The following SEMA3E variants were observed in gnomAD, a reference collection of about 807,000 sequenced individuals.
SEMA3E encodes semaphorin-3E.
In SEMA3E, 49 loss-of-function variants were observed where a neutral mutation model predicts 93.6. The observed-to-expected ratio is 0.52, with a 90% CI of 0.42 to 0.66. The LOEUF is 0.66. Ranked by LOEUF, SEMA3E falls within the 30% of genes least tolerant of loss-of-function variation. SEMA3E has a pLI of 0.00. For synonymous variants in SEMA3E, 363 were observed against 330.7 expected, an observed-to-expected ratio of 1.10 and a Z score of -1.06; for missense variants, 906 against 964.8, an observed-to-expected ratio of 0.94 and a Z score of 0.81.
intron 1 of SEMA3E, among the ~76,000 whole-genome samples, chr7:83,590,267 A>G (rs903342372): frequency 3.9e-5 from 6 of 152,146 alleles, no homozygotes; most frequent in Admixed American, 3.3e-4. Context: ...GCAACTTTCT[A>G]TATCAGAGAT....
intron 1 of SEMA3E, among the ~76,000 whole-genome samples, chr7:83,556,470 A>C (rs1007926198): frequency 2.6e-5 from 4 of 152,134 alleles, no homozygotes; most frequent in Non-Finnish European, 4.4e-5. Context: ...GCTATCATGT[A>C]TGTTACATTT....
At chr7:83,564,436 A>G (rs1211102434) in intron 1 of SEMA3E, among the ~76,000 whole-genome samples, 1 of 151,590 alleles carries the variant, frequency 6.6e-6, no homozygotes, top group African/African-American at 2.4e-5. Flanking sequence ...GAAAAAAAAA[A>G]TCTTGAAAAC....
chr7:83,393,716 A>C (rs1212435596), intron 13 of SEMA3E, among the ~76,000 whole-genome samples: 5 of 152,176 alleles, frequency 3.3e-5, no homozygotes, highest in African/African-American at 1.2e-4. Context: ...ATTTATAAAT[A>C]AATTTGGGGC....
chr7:83,378,713 CCCT>C (rs1232051829), intron 16 of SEMA3E, among the ~76,000 whole-genome samples: 1 of 151,854 alleles, frequency 6.6e-6, no homozygotes, highest in African/African-American at 2.4e-5. Context: ...TTACACCACA[CCCT>C]CCTAATTTCA....
At chr7:83,595,189 T>C (rs775134029) in intron 1 of SEMA3E, among the ~76,000 whole-genome samples, 21 of 152,058 alleles carry the variant, frequency 1.4e-4, no homozygotes, top group Non-Finnish European at 7.4e-5. Context: ...TTTAAATAAG[T>C]CATTAAGACA....
rs868341453 is a variant in SEMA3E, at chr7:83,392,431, C to A, written c.1667+124G>T. 14 of 1,073,308 alleles carry A rather than the reference C, an allele frequency of 1.3e-5. 1 individual carries two copies. The highest frequency in any genetic ancestry group is 4.1e-4 in the Middle Eastern group (2 of 4,916). The allele number at this position is 1,073,308 out of a possible 1,614,324, so 66.5% of individuals were successfully genotyped here. ...TAAAAGGTCAACAGCATGTTCAGTGCCAGTCTCTGTACACAATAATTAATA... is the reference window on the plus strand; with the variant it reads ...TAAAAGGTCAACAGCATGTTCAGTGACAGTCTCTGTACACAATAATTAATA... On this transcript the variant is annotated intron_variant, in intron 14 of 16. Coordinates refer to ENST00000643230, the MANE Select transcript of SEMA3E (RefSeq NM_012431.3).
chr7:83,641,235 T>G (rs2098851742), intron 1 of SEMA3E: 1 of 243,912 alleles, frequency 4.1e-6, no homozygotes, highest in Non-Finnish European at 6.6e-6. Context: ...AAAAACACAG[T>G]TCTAAATCAT....
chr7:83,370,392 C>T (rs548158472), intron 16 of SEMA3E, among the ~76,000 whole-genome samples: 10 of 152,102 alleles, frequency 6.6e-5, no homozygotes, highest in Non-Finnish European at 1.5e-4. Context: ...GTTTATACTT[C>T]TCTCTCATTA....
intron 1 of SEMA3E, among the ~76,000 whole-genome samples, chr7:83,499,477 A>C (rs1790554148): frequency 6.6e-6 from 1 of 152,146 alleles, no homozygotes; most frequent in Admixed American, 6.5e-5. Flanking sequence ...TCTTTCATAT[A>C]TCTTAGGGTA....
At chr7:83,554,467 C>T (rs1021586374) in intron 1 of SEMA3E, among the ~76,000 whole-genome samples, 1 of 152,074 alleles carries the variant, frequency 6.6e-6, no homozygotes, top group East Asian at 1.9e-4. Context: ...AGAGCTAAGA[C>T]AATCTTTCTG....
chr7:83,453,041 A>T (rs1789397104), intron 4 of SEMA3E, among the ~76,000 whole-genome samples: 2 of 152,068 alleles, frequency 1.3e-5, no homozygotes, highest in African/African-American at 2.4e-5. Flanking sequence ...ATATATATAT[A>T]ATTTGAGATG....
At chr7:83,581,183 T>C (rs1156305059) in intron 1 of SEMA3E, among the ~76,000 whole-genome samples, 4 of 152,028 alleles carry the variant, frequency 2.6e-5, no homozygotes, top group Admixed American at 1.3e-4. Context: ...TCATAGCTAA[T>C]ATCCTTAACT....
intron 1 of SEMA3E, chr7:83,641,238 TA>T: frequency 3.9e-6 from 1 of 253,902 alleles, no homozygotes; most frequent in Non-Finnish European, 6.2e-6. Flanking sequence ...AACACAGTTC[TA>T]AATCATTTTG....
At chr7:83,552,511 G>T (rs182262372) in intron 1 of SEMA3E, among the ~76,000 whole-genome samples, 24 of 152,258 alleles carry the variant, frequency 1.6e-4, no homozygotes, top group Admixed American at 1.4e-3. Context: ...TAACCGCGGG[G>T]TTGGGCAAAA....
chr7:83,509,519 T>C (rs1205509356), intron 1 of SEMA3E, among the ~76,000 whole-genome samples: 3 of 152,022 alleles, frequency 2.0e-5, no homozygotes, highest in Admixed American at 1.3e-4. Flanking sequence ...ACCTTACCCT[T>C]CCCCATGACA....
intron 12 of SEMA3E, among the ~76,000 whole-genome samples, 171 bp downstream of exon 12, chr7:83,396,467 T>C (rs1788123953): frequency 6.6e-6 from 1 of 152,142 alleles, no homozygotes; most frequent in Non-Finnish European, 1.5e-5. Flanking sequence ...TTGAAACGTC[T>C]GTAACAATCA....
intron 2 of SEMA3E, among the ~76,000 whole-genome samples, chr7:83,482,359 G>T (rs759565831): frequency 2.0e-5 from 3 of 152,006 alleles, no homozygotes; most frequent in Admixed American, 6.6e-5. Flanking sequence ...GAGGTCAGGA[G>T]ATTGAGACCA....
chr7:83,607,446 C>T (rs1793147898), intron 1 of SEMA3E, among the ~76,000 whole-genome samples: 1 of 152,162 alleles, frequency 6.6e-6, no homozygotes, highest in Non-Finnish European at 1.5e-5. Flanking sequence ...GGGGAGAAGG[C>T]TGCCAATATT....
intron 1 of SEMA3E, among the ~76,000 whole-genome samples, chr7:83,535,492 A>G (rs2115741995): frequency 6.6e-6 from 1 of 152,106 alleles, no homozygotes; most frequent in Non-Finnish European, 1.5e-5. Flanking sequence ...TTGCTTAGGT[A>G]ATCACAGCAG....
Sources: gnomAD v4.1 joint callset for allele counts (sites outside exome capture counted in the v4.1 genomes callset) on GRCh38, gnomAD v4.1.1 for gene constraint, MANE v1.5 for transcripts, NCBI Gene and HGNC (gene_info 2026-07-23, HGNC 2026-07-21) for gene names.